PTPRD: variants seen among roughly 807,000 people sequenced by gnomAD.
PTPRD encodes the protein protein tyrosine phosphatase receptor type D, also known as receptor-type tyrosine-protein phosphatase delta.
A neutral mutation model predicts 214.5 loss-of-function variants in PTPRD; 34 were observed. The observed-to-expected ratio is 0.16, with a 90% CI of 0.12 to 0.21. The LOEUF is 0.21. PTPRD is among the 10% of genes least tolerant of loss of function. The pLI, the probability that PTPRD is intolerant of heterozygous loss-of-function variation, is 1.00. For synonymous variants in PTPRD, 1,128 were observed against 845.7 expected, an observed-to-expected ratio of 1.33 and a Z score of -5.79; for missense variants, 2,545 against 2,398.7, an observed-to-expected ratio of 1.06 and a Z score of -1.27.
At chr9:9,300,829 G>A (rs967581417) in intron 9 of PTPRD, among the ~76,000 whole-genome samples, 3 of 151,820 alleles carry the variant, frequency 2.0e-5, no homozygotes, top group Non-Finnish European at 4.4e-5. Flanking sequence ...AATCCATAAT[G>A]ACTAATACAG....
At chr9:10,523,078 G>A (rs1016800611) in intron 2 of PTPRD, among the ~76,000 whole-genome samples, 2 of 151,892 alleles carry the variant, frequency 1.3e-5, no homozygotes, top group Non-Finnish European at 2.9e-5. Flanking sequence ...AATTAATGCA[G>A]CCTAATGAAC....
intron 9 of PTPRD, among the ~76,000 whole-genome samples, chr9:9,228,303 C>A (rs1244354913): frequency 6.6e-6 from 1 of 151,934 alleles, no homozygotes; most frequent in South Asian, 2.1e-4. Context: ...TGTAGAAACT[C>A]CCAGATGGAA....
At chr9:10,366,286 T>C (rs1225839358) in intron 2 of PTPRD, among the ~76,000 whole-genome samples, 2 of 152,198 alleles carry the variant, frequency 1.3e-5, no homozygotes, top group Non-Finnish European at 2.9e-5. Flanking sequence ...AAACATTATT[T>C]TCTGTACATT....
Position 10,164,418 on chromosome 9 carries a change from T to C in PTPRD, c.-544-130628A>G, listed in dbSNP as rs554015554. ...CTGTTTTTTCTCCCATTATACTAAG[T>C]TTGCCATCGATGCATTACAGCCAAT... is the stretch of plus-strand genomic sequence containing the variant. On this transcript the variant is annotated intron_variant, in intron 3 of 45. Coordinates refer to ENST00000381196, the MANE Select transcript of PTPRD (RefSeq NM_002839.4). Among the ~76,000 whole-genome samples, 62 of 151,648 alleles carry C rather than the reference T, an allele frequency of 4.1e-4. No individual in the cohort carries two copies. In the South Asian group the frequency reaches 0.013, roughly 31 times the overall value.
chr9:9,019,208 G>A (rs72692859), intron 10 of PTPRD, among the ~76,000 whole-genome samples: 47,516 of 149,420 alleles, frequency 0.32, 8,020 homozygotes, highest in Non-Finnish European at 0.39. Flanking sequence ...CAACATCACA[G>A]GATTTTTATT....
chr9:8,934,391 T>TTA (rs1254883816), intron 11 of PTPRD, among the ~76,000 whole-genome samples: 26 of 86,578 alleles, frequency 3.0e-4, no homozygotes, highest in Non-Finnish European at 4.3e-4. Flanking sequence ...CAAATACTAA[T>TTA]TATGTGTGTG....
chr9:8,852,997 C>T (rs1328342324), intron 11 of PTPRD, among the ~76,000 whole-genome samples: 1 of 151,782 alleles, frequency 6.6e-6, no homozygotes, highest in Non-Finnish European at 1.5e-5. Context: ...GGATGTAATA[C>T]GTAAAGTACA....
chr9:9,541,538 G>C (rs2077586462), intron 8 of PTPRD, among the ~76,000 whole-genome samples: 1 of 151,760 alleles, frequency 6.6e-6, no homozygotes. Flanking sequence ...TAAGCCACTG[G>C]TTTCATAGAT....
chr9:9,882,657 A>T (rs1374410144), intron 5 of PTPRD, among the ~76,000 whole-genome samples: 1 of 152,180 alleles, frequency 6.6e-6, no homozygotes, highest in East Asian at 1.9e-4. Flanking sequence ...TGAATTCTCC[A>T]TTTAGGTTGT....
chr9:8,643,024 G>A (rs890320325), intron 12 of PTPRD, among the ~76,000 whole-genome samples: 1 of 152,154 alleles, frequency 6.6e-6, no homozygotes. Flanking sequence ...CAGTGAATCT[G>A]TCACATGAAA....
At chr9:9,414,672 T>G (rs558515335) in intron 8 of PTPRD, 1 of 152,302 alleles carries the variant, frequency 6.6e-6, no homozygotes, top group Admixed American at 6.5e-5. Context: ...GAAGAAAGTT[T>G]TGACAGGACA....
At chr9:10,156,094 G>A (rs2099091246) in intron 3 of PTPRD, among the ~76,000 whole-genome samples, 4 of 150,204 alleles carry the variant, frequency 2.7e-5, no homozygotes, top group Admixed American at 2.0e-4. Flanking sequence ...GTGTGTGTGT[G>A]TGTGTGTGTG....
In PTPRD at chr9:8,560,538, A is replaced by T. The variant is rs577891517; in HGVS notation, c.353-31759T>A. Among the ~76,000 whole-genome samples, 7 of 152,248 alleles carry T rather than the reference A, an allele frequency of 4.6e-5. No individual in the cohort carries two copies. The East Asian group carries it at 5.8e-4, about 13-fold the overall frequency. ...GAGTAATCAACATATAATTAAATTTAAAAAAATGTATGTATAGATGAGTAT... is the reference window on the plus strand; with the variant it reads ...GAGTAATCAACATATAATTAAATTTTAAAAAATGTATGTATAGATGAGTAT... On this transcript the variant is annotated intron_variant, in intron 14 of 45. Transcript: ENST00000381196.
intron 8 of PTPRD, among the ~76,000 whole-genome samples, chr9:9,525,516 T>TG: frequency 6.6e-6 from 1 of 152,300 alleles, no homozygotes; most frequent in Middle Eastern, 3.4e-3. Context: ...GAAAAATTTG[T>TG]GTTTTTCTCT....
intron 44 of PTPRD, among the ~76,000 whole-genome samples, chr9:8,328,932 C>CTT (rs150685429): frequency 6.6e-6 from 1 of 151,926 alleles, no homozygotes; most frequent in Non-Finnish European, 1.5e-5. Flanking sequence ...TTCCTCTAAC[C>CTT]TTTTTTCCAG....
chr9:8,340,945 C>T, intron 41 of PTPRD, 145 bp downstream of exon 41: 3 of 817,796 alleles, frequency 3.7e-6, no homozygotes, highest in Non-Finnish European at 5.4e-6. Flanking sequence ...TCCAAAATAA[C>T]AAAAAAACAA....
At chr9:9,888,955 C>A (rs1393561985) in intron 5 of PTPRD, among the ~76,000 whole-genome samples, 2 of 152,000 alleles carry the variant, frequency 1.3e-5, no homozygotes, top group Admixed American at 6.6e-5. Context: ...TATTAGCACC[C>A]AAAAGTATGC....
At chr9:10,377,812 G>A (rs902219427) in intron 2 of PTPRD, among the ~76,000 whole-genome samples, 9 of 152,054 alleles carry the variant, frequency 5.9e-5, no homozygotes, top group Admixed American at 2.0e-4. Flanking sequence ...TTCATCTACT[G>A]ATGGGCACTT....
In PTPRD at chr9:8,457,902, C is replaced by T. The variant is rs184361451; in HGVS notation, c.3875+2509G>A. ...ACTATTTATTATGTAATTAACTTTG[C>T]TCAGAATCCAAGCTATAAAAGACAC... On this transcript the variant is annotated intron_variant, in intron 33 of 45. Coordinates refer to ENST00000381196, the MANE Select transcript of PTPRD (RefSeq NM_002839.4). Among the ~76,000 whole-genome samples, 335 of 152,214 alleles carry T rather than the reference C, an allele frequency of 2.2e-3. 1 individual carries two copies. Among genetic ancestry groups the T allele is most frequent in the African/African-American group, 7.1e-3 (296 of 41,542 alleles).
Sources: gnomAD v4.1 joint callset for allele counts (sites outside exome capture counted in the v4.1 genomes callset) on GRCh38, gnomAD v4.1.1 for gene constraint, MANE v1.5 for transcripts, NCBI Gene and HGNC (gene_info 2026-07-23, HGNC 2026-07-21) for gene names.